The following KLHL1 variants were observed in gnomAD, a reference collection of about 807,000 sequenced individuals.
The protein encoded by KLHL1 is kelch-like protein 1.
KLHL1 carries 47 observed loss-of-function variants against 77.7 expected under a neutral mutation model. The ratio of observed to expected loss-of-function variants is 0.60; its 90% CI spans 0.48 to 0.77. The LOEUF (loss-of-function observed/expected upper bound fraction) is 0.77. KLHL1 is among the 30% of genes least tolerant of loss of function. The pLI is 0.00. For missense variants in KLHL1, 925 were observed against 910.8 expected (o/e 1.02, Z -0.20); for synonymous variants, 360 against 325.2 (o/e 1.11, Z -1.15).
chr13:69,997,719 CAT>C (rs1007259321), intron 1 of KLHL1, among the ~76,000 whole-genome samples: 4 of 146,638 alleles, frequency 2.7e-5, no homozygotes, highest in Non-Finnish European at 6.0e-5. Context: ...ATTACATAAA[CAT>C]ATGTATTAAT....
chr13:70,106,646 G>A (rs532342609), intron 1 of KLHL1, among the ~76,000 whole-genome samples: 1 of 152,318 alleles, frequency 6.6e-6, no homozygotes, highest in African/African-American at 2.4e-5. Context: ...AGGACCAGAA[G>A]AGAAGTTGGG....
At chr13:69,875,267 A>C (rs1880724122) in intron 5 of KLHL1, among the ~76,000 whole-genome samples, 1 of 152,168 alleles carries the variant, frequency 6.6e-6, no homozygotes, top group South Asian at 2.1e-4. Context: ...ACTACATATT[A>C]TGTTGGAAAG....
chr13:70,026,804 AC>A (rs758112699), intron 1 of KLHL1, among the ~76,000 whole-genome samples: 9 of 151,810 alleles, frequency 5.9e-5, no homozygotes, highest in Admixed American at 1.3e-4. Flanking sequence ...CAGAATCTGA[AC>A]TGTATGTTAA....
chr13:69,816,887 G>A (rs1389362363), intron 6 of KLHL1, among the ~76,000 whole-genome samples: 1 of 152,090 alleles, frequency 6.6e-6, no homozygotes, highest in African/African-American at 2.4e-5. Flanking sequence ...GAACCCAGGA[G>A]GCAGAGTTTG....
At chr13:70,085,018 T>C (rs562200093) in intron 1 of KLHL1, among the ~76,000 whole-genome samples, 8 of 152,226 alleles carry the variant, frequency 5.3e-5, no homozygotes, top group African/African-American at 1.4e-4. Context: ...ATACCATCCA[T>C]TGATGACATG....
rs200797781 is a variant in KLHL1 at position 69,961,223 on chromosome 13, T to TAA, written c.817+83_817+84dup. The TAA allele has an allele frequency of 9.4e-5, 106 of 1,131,038 alleles. 1 individual carries two copies. Among genetic ancestry groups the TAA allele is most frequent in the South Asian group, 2.4e-4 (14 of 57,286 alleles). 70.1% of individuals were successfully genotyped at this position (1,131,038 alleles called of 1,614,324 possible). The stretch of plus-strand genomic sequence containing the variant: ...AAGATACAGAATACAGAATTTTTTT[T>TAA]AAAAAAGCGTTAAATCCTGTACTTA... On this transcript the variant is annotated intron_variant, in intron 3 of 10. Coordinates refer to ENST00000377844, the MANE Select transcript of KLHL1 (RefSeq NM_020866.3).
chr13:70,014,888 T>C (rs1225814255), intron 1 of KLHL1, among the ~76,000 whole-genome samples: 1 of 152,146 alleles, frequency 6.6e-6, no homozygotes, highest in Non-Finnish European at 1.5e-5. Context: ...TATCTAGAAG[T>C]ATGTATTGCT....
intron 1 of KLHL1, among the ~76,000 whole-genome samples, chr13:69,978,481 T>G (rs1166758291): frequency 1.1e-5 from 1 of 88,132 alleles, no homozygotes; most frequent in Non-Finnish European, 2.1e-5. Flanking sequence ...AATATTCTGG[T>G]CAGAATATTT....
At chr13:69,973,839 T>G (rs1230226183) in intron 2 of KLHL1, among the ~76,000 whole-genome samples, 1 of 152,062 alleles carries the variant, frequency 6.6e-6, no homozygotes, top group Non-Finnish European at 1.5e-5. Flanking sequence ...GTTAAAAATT[T>G]AATTGGGAGG....
chr13:69,850,520 A>G (rs1340642028), intron 5 of KLHL1, among the ~76,000 whole-genome samples: 2 of 151,528 alleles, frequency 1.3e-5, no homozygotes, highest in African/African-American at 4.8e-5. Flanking sequence ...GTTGATTACT[A>G]TGAAACTGTC....
intron 4 of KLHL1, among the ~76,000 whole-genome samples, chr13:69,920,405 C>T (rs1399551940): frequency 6.6e-6 from 1 of 151,686 alleles, no homozygotes; most frequent in African/African-American, 2.4e-5. Context: ...TAGGCAGTAC[C>T]CAATAAAATG....
At chr13:69,968,193 C>T (rs1341208852) in intron 2 of KLHL1, among the ~76,000 whole-genome samples, 2 of 151,974 alleles carry the variant, frequency 1.3e-5, no homozygotes, top group African/African-American at 4.8e-5. Flanking sequence ...AAAAGATTAA[C>T]ACTCCCAGAA....
chr13:69,902,815 T>C (rs1001990019), intron 4 of KLHL1, among the ~76,000 whole-genome samples: 1 of 151,368 alleles, frequency 6.6e-6, no homozygotes, highest in Non-Finnish European at 1.5e-5. Flanking sequence ...AAATGATGAG[T>C]TAATGGGTGC....
chr13:69,797,092 G>A (rs1046893665), intron 6 of KLHL1, 130 bp from the exon 7 acceptor site: 93 of 708,650 alleles, frequency 1.3e-4, no homozygotes, highest in Non-Finnish European at 2.0e-4. Context: ...AAAAGTGGCA[G>A]AAAAACAAAA....
chr13:69,730,371 A>G (rs377528485), intron 8 of KLHL1, among the ~76,000 whole-genome samples: 8 of 152,148 alleles, frequency 5.3e-5, no homozygotes, highest in African/African-American at 1.9e-4. Context: ...ATATTAGGCA[A>G]ATTTGCTGTG....
At chr13:69,815,753 G>T (rs1240392743) in intron 6 of KLHL1, among the ~76,000 whole-genome samples, 1 of 152,010 alleles carries the variant, frequency 6.6e-6, no homozygotes, top group Non-Finnish European at 1.5e-5. Flanking sequence ...TAAAAAGTAG[G>T]TGATTAACTT....
chr13:69,820,136 A>T (rs1292412816), intron 6 of KLHL1, among the ~76,000 whole-genome samples: 1 of 152,114 alleles, frequency 6.6e-6, no homozygotes, highest in Non-Finnish European at 1.5e-5. Flanking sequence ...CCCTGCCTAG[A>T]TTCTAGTTCT....
At chr13:70,014,000 C>T (rs1166283358) in intron 1 of KLHL1, among the ~76,000 whole-genome samples, 2 of 151,954 alleles carry the variant, frequency 1.3e-5, no homozygotes, top group Non-Finnish European at 2.9e-5. Context: ...CTAATAAAAG[C>T]GTTGCTGGAA....
At position 70,076,172 on chromosome 13, in the gene KLHL1, T is replaced by G. The variant is rs75908792; in HGVS notation, c.497+31031A>C. Reference sequence around the variant, plus strand: ...ATGGAACTGCAAAATACACAGAAGATTCAATGCAACGGTTAAGAAAAAGGT... The same window carrying G: ...ATGGAACTGCAAAATACACAGAAGAGTCAATGCAACGGTTAAGAAAAAGGT... On this transcript the variant is annotated intron_variant, in intron 1 of 10. Coordinates refer to ENST00000377844, the MANE Select transcript of KLHL1 (RefSeq NM_020866.3). Among the ~76,000 whole-genome samples, 4,245 of 151,940 alleles carry G rather than the reference T, an allele frequency of 0.028. 419 individuals are homozygous for G. In the East Asian group the frequency reaches 0.36, roughly 13 times the overall value.
Sources: gnomAD v4.1 joint callset for allele counts (sites outside exome capture counted in the v4.1 genomes callset) on GRCh38, gnomAD v4.1.1 for gene constraint, MANE v1.5 for transcripts, NCBI Gene and HGNC (gene_info 2026-07-23, HGNC 2026-07-21) for gene names.